Variants in BTLA observed in about 807,000 individuals in gnomAD.
The protein encoded by BTLA is B- and T-lymphocyte attenuator.
A neutral mutation model predicts 25.0 loss-of-function variants in BTLA; 11 were observed. The observed-to-expected ratio is 0.44, with a 90% CI of 0.28 to 0.73. BTLA has a LOEUF of 0.73. Among genes scored for constraint, BTLA ranks in the 30% least tolerant of loss-of-function variants. BTLA has a pLI of 0.15. For synonymous variants in BTLA, 104 were observed against 119.8 expected (o/e 0.87, Z 0.86); for missense variants, 282 against 332.8 (o/e 0.85, Z 1.19).
At chr3:112,466,676 C>A (rs1413318473) in intron 4 of BTLA, among the ~76,000 whole-genome samples, 1 of 152,074 alleles carries the variant, frequency 6.6e-6, no homozygotes, top group Admixed American at 6.5e-5. Context: ...AAAAGCATAG[C>A]CCAAATTGAT....
At chr3:112,468,589 T>C (rs537808432) in intron 4 of BTLA, among the ~76,000 whole-genome samples, 7 of 152,326 alleles carry the variant, frequency 4.6e-5, no homozygotes, top group East Asian at 1.9e-4. Context: ...TTATCCAGCC[T>C]ACCCAGGAAG....
chr3:112,477,356 TG>T (rs1157972244), intron 2 of BTLA, among the ~76,000 whole-genome samples: 21 of 16,648 alleles, frequency 1.3e-3, no homozygotes, highest in Non-Finnish European at 1.0e-2. Flanking sequence ...TTATTTTCTG[TG>T]TTTTTTTTTT....
rs140509894 is a variant in BTLA, at chr3:112,498,849, G to T, written c.88+422C>A. 4.0e-5 allele frequency among the ~76,000 whole-genome samples: 6 copies of T among 151,890 alleles called. No individual in the cohort carries two copies. In the East Asian group the frequency reaches 1.2e-3, roughly 29 times the overall value. ...TAACCATGGAGATATGTATAATTCCGATTATCCAACAACTGTCCTACCCAA... is the reference window on the plus strand; with the variant it reads ...TAACCATGGAGATATGTATAATTCCTATTATCCAACAACTGTCCTACCCAA... On this transcript the variant is annotated intron_variant, in intron 1 of 4. Transcript: ENST00000334529.
At chr3:112,491,033 C>A (rs1336830590) in intron 1 of BTLA, among the ~76,000 whole-genome samples, 1 of 152,158 alleles carries the variant, frequency 6.6e-6, no homozygotes, top group Non-Finnish European at 1.5e-5. Flanking sequence ...TTGATTTTAT[C>A]ATGTTTGAAA....
At chr3:112,498,750 A>T (rs189832596) in intron 1 of BTLA, among the ~76,000 whole-genome samples, 9 of 152,000 alleles carry the variant, frequency 5.9e-5, no homozygotes, top group Non-Finnish European at 1.3e-4. Flanking sequence ...CATTTTCTCA[A>T]TCGGTATTCT....
At chr3:112,478,276 A>G (rs1290399754) in intron 2 of BTLA, among the ~76,000 whole-genome samples, 1 of 152,082 alleles carries the variant, frequency 6.6e-6, no homozygotes, top group Non-Finnish European at 1.5e-5. Flanking sequence ...ATGTCTTTGC[A>G]TTTATTTACA....
chr3:112,497,124 C>T (rs1036592947), intron 1 of BTLA, among the ~76,000 whole-genome samples: 3 of 152,126 alleles, frequency 2.0e-5, no homozygotes, highest in African/African-American at 7.2e-5. Flanking sequence ...ACTTTAAAAA[C>T]TCAACTATTT....
At chr3:112,476,817 C>T (rs961468724) in intron 2 of BTLA, among the ~76,000 whole-genome samples, 4 of 152,110 alleles carry the variant, frequency 2.6e-5, no homozygotes, top group African/African-American at 9.7e-5. Flanking sequence ...AAAAGGAAGC[C>T]CTCTACCTAT....
In BTLA at chr3:112,466,052, A is replaced by G; in HGVS notation, c.*56T>C. On this transcript the variant is annotated 3_prime_UTR_variant, in exon 5 of 5. Coordinates refer to ENST00000334529, the MANE Select transcript of BTLA (RefSeq NM_181780.4). ...TTATTTGACATCCTGTTGAGCCCAG[A>G]CAATGATGTCAACATGCTGATCATT... 6.8e-7 allele frequency: 1 copy of G among 1,467,282 alleles called. No individual in the cohort carries two copies. Among genetic ancestry groups the G allele is most frequent in the Non-Finnish European group, 9.1e-7 (1 of 1,094,238 alleles). The allele number at this position is 1,467,282 out of a possible 1,614,324, so 90.9% of individuals were successfully genotyped here. A position where few individuals can be genotyped will look rare whatever the true frequency, so the allele number is the denominator to read the frequency against.
intron 1 of BTLA, among the ~76,000 whole-genome samples, chr3:112,481,066 A>T (rs886566803): frequency 2.6e-5 from 4 of 152,230 alleles, no homozygotes; most frequent in Non-Finnish European, 5.9e-5. Context: ...CAAAAGGGAG[A>T]AATAGGCAAA....
chr3:112,482,157 T>C (rs557092084), intron 1 of BTLA, among the ~76,000 whole-genome samples: 1 of 152,360 alleles, frequency 6.6e-6, no homozygotes, highest in Non-Finnish European at 1.5e-5. Flanking sequence ...AAATTATTTT[T>C]TTCTCCACTC....
At position 112,471,334 on chromosome 3, in the gene BTLA, C is replaced by A. The variant is rs147509269; in HGVS notation, c.425G>T (p.Arg142Leu). ...YVTDVKSASE[R>L]PSKDEMASRP... ...GCTTGCCATTTCGTCCTTGGAGGGT[C>A]GTTCTGAGGCACTTTTTACATCTGG... The change falls in exon 3 of 5, where the codon CGA becomes CTA. Residue 142 changes from arginine to leucine, a missense_variant. Arg to Leu is a moderately radical substitution (Grantham distance 102). Coordinates refer to ENST00000334529, the MANE Select transcript of BTLA (RefSeq NM_181780.4). The A allele has an allele frequency of 1.2e-6, 2 of 1,613,622 alleles. No homozygotes were observed. The highest frequency in any genetic ancestry group is 3.3e-5 in the Admixed American group (2 of 59,972).
At chr3:112,480,880 G>A (rs76530420) in intron 1 of BTLA, among the ~76,000 whole-genome samples, 1 of 152,000 alleles carries the variant, frequency 6.6e-6, no homozygotes, top group African/African-American at 2.4e-5. Flanking sequence ...TTAATTTATT[G>A]CAGAATCAAT....
intron 1 of BTLA, among the ~76,000 whole-genome samples, chr3:112,483,140 CTTTTTTTTTTTTT>C (rs35513528): frequency 4.6e-4 from 24 of 51,672 alleles, no homozygotes; most frequent in Non-Finnish European, 9.3e-4. Context: ...GGGCACCTTT[CTTTTTTTTTTTTT>C]TTTTTTTTTT....
At position 112,478,005 on chromosome 3, in the gene BTLA, CTT is replaced by C. The variant is rs34696377; in HGVS notation, c.403+1448_403+1449del. 3.6e-3 allele frequency among the ~76,000 whole-genome samples: 524 copies of C among 143,868 alleles called. 1 individual carries two copies. The highest frequency in any genetic ancestry group is 7.1e-3 in the Middle Eastern group (2 of 282). 94.4% of individuals were successfully genotyped at this position (143,868 alleles called of 152,430 possible). On this transcript the variant is annotated intron_variant, in intron 2 of 4. Transcript: ENST00000334529. ...TTTGTCTATCCATGACAATACTATT[CTT>C]TTTTTTTTTTTTTAACTGTCATTTT...
chr3:112,484,383 A>C (rs553797475), intron 1 of BTLA, among the ~76,000 whole-genome samples: 2 of 152,336 alleles, frequency 1.3e-5, no homozygotes, highest in Non-Finnish European at 2.9e-5. Flanking sequence ...TCATTTGAAC[A>C]TGTCTGTTTC....
intron 1 of BTLA, among the ~76,000 whole-genome samples, chr3:112,481,900 G>A (rs908112763): frequency 5.3e-5 from 8 of 152,168 alleles, no homozygotes; most frequent in Middle Eastern, 3.4e-3. Context: ...AATGCTTTGC[G>A]GCTTAGATAT....
At chr3:112,493,010 C>T (rs1198049756) in intron 1 of BTLA, among the ~76,000 whole-genome samples, 2 of 152,224 alleles carry the variant, frequency 1.3e-5, no homozygotes, top group African/African-American at 4.8e-5. Flanking sequence ...TGCATACACA[C>T]AGACACATGC....
At chr3:112,476,540 T>C (rs973801656) in intron 2 of BTLA, among the ~76,000 whole-genome samples, 2 of 152,216 alleles carry the variant, frequency 1.3e-5, no homozygotes, top group African/African-American at 2.4e-5. Context: ...TCAGCCATGC[T>C]GCTATTGCAA....
Sources: allele counts gnomAD v4.1 joint callset (sites outside exome capture counted in the v4.1 genomes callset), GRCh38; gene constraint gnomAD v4.1.1; transcripts MANE v1.5; gene names NCBI Gene and HGNC (gene_info 2026-07-23, HGNC 2026-07-21).